The following PPIP5K2 variants were observed in gnomAD, a reference collection of about 807,000 sequenced individuals.
PPIP5K2 encodes diphosphoinositol pentakisphosphate kinase 2.
A neutral mutation model predicts 154.6 loss-of-function variants in PPIP5K2; 105 were observed. That is an observed-to-expected ratio of 0.68 (90% CI 0.58 to 0.80). The LOEUF (loss-of-function observed/expected upper bound fraction) is 0.80, where lower values mean the gene tolerates loss of function less well. Among genes scored for constraint, PPIP5K2 ranks in the 30% least tolerant of loss-of-function variants. The pLI, the probability that PPIP5K2 is intolerant of heterozygous loss-of-function variation, is 0.00. For missense variants in PPIP5K2, 992 were observed against 1,504.6 expected, an observed-to-expected ratio of 0.66 and a Z score of 5.64; for synonymous variants, 480 against 490.3, an observed-to-expected ratio of 0.98 and a Z score of 0.28.
chr5:103,128,730 G>T (rs377594825), intron 1 of PPIP5K2, among the ~76,000 whole-genome samples: 2 of 152,066 alleles, frequency 1.3e-5, no homozygotes, highest in Non-Finnish European at 2.9e-5. Flanking sequence ...AAGAGTTTTT[G>T]ACTTCTACAT....
chr5:103,177,595 C>A, intron 21 of PPIP5K2, 72 bp from the exon 22 acceptor site: 1 of 991,296 alleles, frequency 1.0e-6, no homozygotes, highest in Non-Finnish European at 1.5e-6. Flanking sequence ...AACAAGCTAC[C>A]ATAGTGACAA....
At position 103,180,037 on chromosome 5, in the gene PPIP5K2, CT is replaced by C; in HGVS notation, c.2775del (p.Phe925LeufsTer21). 2.0e-6 allele frequency: 3 copies of C among 1,537,754 alleles called. No homozygotes were observed. Among genetic ancestry groups the C allele is most frequent in the Admixed American group, 2.1e-5 (1 of 48,472 alleles). ...PASRENEGRR[P>X]FKIDNDDEPH... Reference sequence around the variant, plus strand: ...TGCTCACAGAATGAAGGCAGGAGACCTTTTAAAATTGATAATGATGATGAAC... The same window carrying C: ...TGCTCACAGAATGAAGGCAGGAGACCTTTAAAATTGATAATGATGATGAAC... On this transcript the variant is annotated frameshift_variant, in exon 24 of 31. Transcript: ENST00000358359. LOFTEE classifies it high-confidence loss of function.
rs114567964 is a variant in PPIP5K2 at position 103,139,040 on chromosome 5, G to A, written c.487+571G>A. Among the ~76,000 whole-genome samples the A allele has an allele frequency of 5.4e-3, 824 of 152,226 alleles. 10 individuals carry two copies. The highest frequency in any genetic ancestry group is 0.019 in the African/African-American group (784 of 41,514). On this transcript the variant is annotated intron_variant, in intron 5 of 30. Coordinates refer to ENST00000358359, the MANE Select transcript of PPIP5K2 (RefSeq NM_001276277.3). ...ATGTGAAGATTTTGGTATACGAGGGGGTTCCTGGAACCAGTCACCGCGTAT... is the reference window on the plus strand; with the variant it reads ...ATGTGAAGATTTTGGTATACGAGGGAGTTCCTGGAACCAGTCACCGCGTAT...
intron 5 of PPIP5K2, among the ~76,000 whole-genome samples, chr5:103,145,933 A>T (rs987061648): frequency 6.6e-6 from 1 of 152,100 alleles, no homozygotes; most frequent in African/African-American, 2.4e-5. Context: ...GAATACCCCA[A>T]CTATTCCAGT....
chr5:103,184,359 T>G (rs1409621519), intron 25 of PPIP5K2: 2 of 212,888 alleles, frequency 9.4e-6, no homozygotes, highest in Non-Finnish European at 1.9e-5. Context: ...AGGAGCTGTT[T>G]AAGAGTGGGC....
chr5:103,160,017 A>G (rs1219941846), intron 17 of PPIP5K2, among the ~76,000 whole-genome samples: 1 of 152,112 alleles, frequency 6.6e-6, no homozygotes, highest in African/African-American at 2.4e-5. Flanking sequence ...GAGATTATAC[A>G]TATTTGTCAT....
intron 6 of PPIP5K2, among the ~76,000 whole-genome samples, chr5:103,147,377 T>C (rs1793926923): frequency 6.6e-6 from 1 of 151,968 alleles, no homozygotes; most frequent in Non-Finnish European, 1.5e-5. Flanking sequence ...ACTTACACAT[T>C]GCTGATGAGA....
At chr5:103,149,949 C>T (rs1212602892) in intron 8 of PPIP5K2, among the ~76,000 whole-genome samples, 1 of 152,088 alleles carries the variant, frequency 6.6e-6, no homozygotes, top group South Asian at 2.1e-4. Context: ...CCCACCTCGG[C>T]TTCCCAAAGT....
chr5:103,184,857 T>A, intron 26 of PPIP5K2, 113 bp downstream of exon 26: 1 of 669,288 alleles, frequency 1.5e-6, no homozygotes, highest in Non-Finnish European at 2.5e-6. Context: ...AGTTTTTATT[T>A]AATGTGTACT....
intron 24 of PPIP5K2, among the ~76,000 whole-genome samples, chr5:103,180,541 A>T (rs1470072237): frequency 6.6e-6 from 1 of 151,992 alleles, no homozygotes; most frequent in Non-Finnish European, 1.5e-5. Context: ...GATTTAATGG[A>T]TCAAGAATAA....
rs998912559 is a variant in PPIP5K2, at chr5:103,207,221, A to G, written c.*5587A>G. ...GTAATTGCTTATGGTCAGGCCTGAA[A>G]GATCACACATCAGACTTTGGCCTGG... On this transcript the variant is annotated 3_prime_UTR_variant, in exon 31 of 31. Transcript: ENST00000358359. 1 of 152,230 alleles carries G rather than the reference A, an allele frequency of 6.6e-6. No homozygotes were observed. Among genetic ancestry groups the G allele is most frequent in the African/African-American group, 2.4e-5 (1 of 41,462 alleles). The allele number at this position is 152,230 out of a possible 1,614,324, so 9.4% of individuals were successfully genotyped here.
rs1554222220 is a variant in PPIP5K2, at chr5:103,180,197, A to G, written c.2922+9A>G. Reference sequence around the variant, plus strand: ...AGACGGCTACAAATGATGTAAGTATATGTATCAGAACACATTTTTCATACA... The same window carrying G: ...AGACGGCTACAAATGATGTAAGTATGTGTATCAGAACACATTTTTCATACA... On this transcript the variant is annotated intron_variant, in intron 24 of 30. Transcript: ENST00000358359. 1.3e-6 allele frequency: 2 copies of G among 1,572,042 alleles called. No homozygotes were observed. Among genetic ancestry groups the G allele is most frequent in the Admixed American group, 3.8e-5 (2 of 52,414 alleles).
intron 5 of PPIP5K2, among the ~76,000 whole-genome samples, chr5:103,142,132 G>A (rs1194823759): frequency 2.0e-5 from 3 of 152,226 alleles, no homozygotes; most frequent in Non-Finnish European, 4.4e-5. Flanking sequence ...CCATGGAGTG[G>A]GTGGGAGGCT....
At chr5:103,191,100 G>A in intron 29 of PPIP5K2, 118 bp downstream of exon 29, 3 of 922,988 alleles carry the variant, frequency 3.3e-6, no homozygotes, top group Non-Finnish European at 4.8e-6. Flanking sequence ...GGAGTACAAA[G>A]GGGAGTGTAA....
rs1465134862 is a variant in PPIP5K2 at position 103,205,169 on chromosome 5, C to T, written c.*3535C>T. ...GATGGTTTCCAGCTTCATCCATGTCCTTGTCATCCTTTTTTTTGGCTGCAT... is the reference window on the plus strand; with the variant it reads ...GATGGTTTCCAGCTTCATCCATGTCTTTGTCATCCTTTTTTTTGGCTGCAT... On this transcript the variant is annotated 3_prime_UTR_variant, in exon 31 of 31. Transcript: ENST00000358359. 1 of 150,770 alleles carries T rather than the reference C, an allele frequency of 6.6e-6. No homozygotes were observed. The highest frequency in any genetic ancestry group is 2.5e-5 in the African/African-American group (1 of 40,202). The allele number at this position is 150,770 out of a possible 1,614,324, so 9.3% of individuals were successfully genotyped here.
chr5:103,149,143 T>C lies in PPIP5K2; in HGVS notation c.745-9T>C. The C allele has an allele frequency of 3.8e-6, 6 of 1,595,174 alleles. No individual in the cohort carries two copies. The Middle Eastern group carries it at 6.7e-4, about 179-fold the overall frequency. On this transcript the variant is annotated splice_polypyrimidine_tract_variant and intron_variant, in intron 7 of 30. Coordinates refer to ENST00000358359, the MANE Select transcript of PPIP5K2 (RefSeq NM_001276277.3). Reference sequence around the variant, plus strand: ...ATATATTTATACATTTATTAAACATTTGTGAAAGGTTTATACAGTGGGTCC... The same window carrying C: ...ATATATTTATACATTTATTAAACATCTGTGAAAGGTTTATACAGTGGGTCC...
intron 24 of PPIP5K2, among the ~76,000 whole-genome samples, chr5:103,181,341 G>A (rs1419377229): frequency 6.6e-6 from 1 of 152,044 alleles, no homozygotes; most frequent in East Asian, 1.9e-4. Context: ...GCCGAGGTGG[G>A]TGGATCACCT....
chr5:103,154,353 A>G (rs191719594), intron 11 of PPIP5K2, among the ~76,000 whole-genome samples: 115 of 152,168 alleles, frequency 7.6e-4, no homozygotes, highest in African/African-American at 2.8e-3. Flanking sequence ...GTGTTGACAC[A>G]AGTAATTTTC....
chr5:103,194,898 A>C lies in PPIP5K2; in HGVS notation c.3494-2A>C. On this transcript the variant is annotated splice_acceptor_variant, in intron 29 of 30. Coordinates refer to ENST00000358359, the MANE Select transcript of PPIP5K2 (RefSeq NM_001276277.3). LOFTEE classifies it high-confidence loss of function. ...TTAACATGTTTGTTTATTTTTTTTC[A>C]GCCTCTACAGCTTTACGTTCCAGTC... is the stretch of plus-strand genomic sequence containing the variant. The C allele has an allele frequency of 6.2e-7, 1 of 1,600,734 alleles. No individual in the cohort carries two copies. Among genetic ancestry groups the C allele is most frequent in the Non-Finnish European group, 8.5e-7 (1 of 1,175,468 alleles).
Sources: gnomAD v4.1 joint callset for allele counts (sites outside exome capture counted in the v4.1 genomes callset) on GRCh38, gnomAD v4.1.1 for gene constraint, MANE v1.5 for transcripts, NCBI Gene and HGNC (gene_info 2026-07-23, HGNC 2026-07-21) for gene names.